The following DLGAP2 variants were observed in gnomAD, a reference collection of about 807,000 sequenced individuals.
DLGAP2 encodes the protein disks large-associated protein 2.
Under a neutral mutation model 100.3 loss-of-function variants are expected in DLGAP2, and 26 were observed. That is an observed-to-expected ratio of 0.26 (90% CI 0.19 to 0.36). The LOEUF (loss-of-function observed/expected upper bound fraction) is 0.36. Among genes scored for constraint, DLGAP2 ranks in the 10% least tolerant of loss-of-function variants. The pLI, the probability that DLGAP2 is intolerant of heterozygous loss-of-function variation, is 1.00. For missense variants in DLGAP2, 1,858 were observed against 1,453.2 expected, an observed-to-expected ratio of 1.28 and a Z score of -4.53; for synonymous variants, 886 against 630.1, an observed-to-expected ratio of 1.41 and a Z score of -6.08.
intron 3 of DLGAP2, among the ~76,000 whole-genome samples, chr8:1,329,505 G>C (rs1801100277): frequency 6.6e-6 from 1 of 152,178 alleles, no homozygotes; most frequent in Non-Finnish European, 1.5e-5. Context: ...GTTTCATTTA[G>C]AGAGTGTGTG....
chr8:1,626,627 C>T (rs1243238880), intron 6 of DLGAP2, 113 bp from the exon 7 acceptor site: 1 of 1,393,764 alleles, frequency 7.2e-7, no homozygotes, highest in African/African-American at 1.4e-5. Flanking sequence ...TCGTTCCCAC[C>T]TCTGCCCTGT....
At chr8:1,564,241 C>G (rs1380856009) in intron 5 of DLGAP2, among the ~76,000 whole-genome samples, 1 of 152,196 alleles carries the variant, frequency 6.6e-6, no homozygotes, top group East Asian at 1.9e-4. Flanking sequence ...AAACCAGGTC[C>G]TGACCTGCAG....
At chr8:786,371 G>A (rs1429228197) in intron 1 of DLGAP2, among the ~76,000 whole-genome samples, 1 of 152,226 alleles carries the variant, frequency 6.6e-6, no homozygotes, top group Non-Finnish European at 1.5e-5. Flanking sequence ...TGCTTCTCAT[G>A]CCTGCATCTT....
intron 6 of DLGAP2, among the ~76,000 whole-genome samples, chr8:1,590,351 C>T (rs900562892): frequency 6.6e-6 from 1 of 152,150 alleles, no homozygotes; most frequent in Non-Finnish European, 1.5e-5. Flanking sequence ...TAAAATGGCA[C>T]CCCTCTATCT....
chr8:1,638,234 C>T (rs149377108), intron 8 of DLGAP2, among the ~76,000 whole-genome samples: 5 of 152,242 alleles, frequency 3.3e-5, no homozygotes, highest in East Asian at 1.9e-4. Flanking sequence ...AATGTGACTG[C>T]GTTTCAGACA....
At chr8:1,617,833 A>C (rs563154470) in intron 6 of DLGAP2, among the ~76,000 whole-genome samples, 1 of 152,228 alleles carries the variant, frequency 6.6e-6, no homozygotes, top group Admixed American at 6.5e-5. Flanking sequence ...TATTTGATTA[A>C]CCCAAAAGAA....
intron 3 of DLGAP2, among the ~76,000 whole-genome samples, chr8:1,279,558 G>C (rs1799774293): frequency 6.6e-6 from 1 of 152,204 alleles, no homozygotes; most frequent in Non-Finnish European, 1.5e-5. Flanking sequence ...CGTAAGCTTA[G>C]CAGTGGAAAA....
chr8:893,513 A>T (rs910529200), intron 1 of DLGAP2, among the ~76,000 whole-genome samples: 5 of 152,206 alleles, frequency 3.3e-5, no homozygotes, highest in Non-Finnish European at 5.9e-5. Context: ...AACCTGTCCC[A>T]TGAAGGGGAG....
chr8:1,332,306 G>A (rs1801175669), intron 3 of DLGAP2, among the ~76,000 whole-genome samples: 1 of 151,982 alleles, frequency 6.6e-6, no homozygotes. Flanking sequence ...GTGTGTCAGT[G>A]TGTGTGTGTC....
chr8:1,573,249 T>G (rs1802817620), intron 6 of DLGAP2, among the ~76,000 whole-genome samples: 2 of 103,938 alleles, frequency 1.9e-5, no homozygotes, highest in Non-Finnish European at 3.8e-5. Flanking sequence ...AGGGGCGTCT[T>G]CTGGGATGGA....
intron 2 of DLGAP2, among the ~76,000 whole-genome samples, chr8:1,107,020 C>T (rs1167338579): frequency 6.6e-6 from 1 of 152,166 alleles, no homozygotes; most frequent in African/African-American, 2.4e-5. Context: ...CACCTGTATA[C>T]AGCATCTAGC....
intron 2 of DLGAP2, among the ~76,000 whole-genome samples, chr8:1,006,885 G>A (rs1364254439): frequency 4.4e-5 from 5 of 114,528 alleles, no homozygotes; most frequent in African/African-American, 6.8e-5. Context: ...CTGAAGTCTC[G>A]GGATGTGGTC....
At position 858,266 on chromosome 8, in the gene DLGAP2, A is replaced by T. The variant is rs536431020; in HGVS notation, c.19-49646A>T. ...AAGTGCTGAGAAGGAATGATCTACC[A>T]GGCTGTGAAAGGACGTGGAGCAACC... On this transcript the variant is annotated intron_variant, in intron 1 of 14. Transcript: ENST00000637795. Among the ~76,000 whole-genome samples, 6 of 152,396 alleles carry T rather than the reference A, an allele frequency of 3.9e-5. No homozygotes were observed. In the East Asian group the frequency reaches 1.2e-3, roughly 29 times the overall value.
chr8:1,245,015 C>G (rs1412915605), intron 2 of DLGAP2, among the ~76,000 whole-genome samples: 1 of 152,164 alleles, frequency 6.6e-6, no homozygotes, highest in Non-Finnish European at 1.5e-5. Context: ...TTTGACCAGC[C>G]AGGAAATGCA....
At chr8:1,381,782 AGTGTGTGTGT>A (rs72529197) in intron 3 of DLGAP2, among the ~76,000 whole-genome samples, 3,077 of 141,774 alleles carry the variant, frequency 0.022, 49 homozygotes, top group African/African-American at 0.042. Context: ...GGGTTATTCT[AGTGTGTGTGT>A]GTGTGTGTGT....
intron 2 of DLGAP2, among the ~76,000 whole-genome samples, chr8:1,230,696 TG>T (rs1386947204): frequency 4.6e-5 from 7 of 151,978 alleles, no homozygotes; most frequent in African/African-American, 1.7e-4. Flanking sequence ...AACCCAGAAA[TG>T]AACCCATACA....
At chr8:823,176 TTGG>T (rs1385943736) in intron 1 of DLGAP2, among the ~76,000 whole-genome samples, 1 of 152,096 alleles carries the variant, frequency 6.6e-6, no homozygotes, top group East Asian at 1.9e-4. Flanking sequence ...CTCTACCCAC[TTGG>T]TGGCCTCAGA....
At chr8:1,421,196 G>C (rs1038181557) in intron 3 of DLGAP2, among the ~76,000 whole-genome samples, 1 of 152,206 alleles carries the variant, frequency 6.6e-6, no homozygotes, top group African/African-American at 2.4e-5. Flanking sequence ...CTGGAACATA[G>C]CTCTAACATC....
At position 1,387,655 on chromosome 8, in the gene DLGAP2, G is replaced by A. The variant is rs140241618; in HGVS notation, c.107-113711G>A. 1.2e-3 allele frequency among the ~76,000 whole-genome samples: 190 copies of A among 152,350 alleles called. 3 individuals are homozygous for A. The highest frequency in any genetic ancestry group is 4.3e-3 in the African/African-American group (178 of 41,584). The stretch of plus-strand genomic sequence containing the variant: ...GGTGCCTGTTTGACTTCAAAGTGTG[G>A]AAGAAATAGGCACTAAGTTGGGTCC... On this transcript the variant is annotated intron_variant, in intron 3 of 14. Transcript: ENST00000637795.
Sources: gnomAD v4.1 joint callset for allele counts (sites outside exome capture counted in the v4.1 genomes callset) on GRCh38, gnomAD v4.1.1 for gene constraint, MANE v1.5 for transcripts, NCBI Gene and HGNC (gene_info 2026-07-23, HGNC 2026-07-21) for gene names.